Variants in MUC12 observed in about 807,000 individuals in gnomAD.
MUC12 encodes the protein mucin 12, cell surface associated.
MUC12 carries 172 observed loss-of-function variants against 230.8 expected under a neutral mutation model. The observed-to-expected ratio is 0.75, with a 90% CI of 0.66 to 0.85. The LOEUF is 0.85. Ranked by LOEUF, MUC12 falls within the 40% of genes least tolerant of loss-of-function variation. MUC12 has a pLI of 0.00. For synonymous variants in MUC12, 1,259 were observed against 2,401.9 expected, an observed-to-expected ratio of 0.52 and a Z score of 13.91; for missense variants, 3,506 against 5,920.6, an observed-to-expected ratio of 0.59 and a Z score of 13.38.
chr7:100,982,120 G>A lies in MUC12; in HGVS notation c.68-8511G>A, dbSNP rs113585175. On this transcript the variant is annotated intron_variant, in intron 1 of 11. Coordinates refer to ENST00000536621, the MANE Select transcript of MUC12 (RefSeq NM_001164462.2). ...GACCTCAGGTGATCTGCCTGCCTTG[G>A]TCTCCCAAAATGCTGGGATTACAGG... Among the ~76,000 whole-genome samples, 14 of 152,010 alleles carry A rather than the reference G, an allele frequency of 9.2e-5. 1 individual carries two copies. Among genetic ancestry groups the A allele is most frequent in the African/African-American group, 3.4e-4 (14 of 41,474 alleles).
intron 3 of MUC12, among the ~76,000 whole-genome samples, chr7:101,007,180 A>T (rs967555346): frequency 5.3e-5 from 8 of 152,166 alleles, no homozygotes; most frequent in African/African-American, 1.7e-4. Context: ...GCTGGTATGG[A>T]ACTACTGATC....
At position 101,009,172 on chromosome 7, in the gene MUC12, G is replaced by T. The variant is rs998877204; in HGVS notation, c.15251+13G>T. The stretch of plus-strand genomic sequence containing the variant: ...TTCGGAGATTGCTGTGAGTATATTG[G>T]GGGGCAGGTTTATAGATGTGGGGAA... On this transcript the variant is annotated intron_variant, in intron 5 of 11. Transcript: ENST00000536621. 17 of 1,536,854 alleles carry T rather than the reference G, an allele frequency of 1.1e-5. No individual in the cohort carries two copies. In the Admixed American group the frequency reaches 1.8e-4, roughly 16 times the overall value.
rs994460046 is a variant in MUC12, at chr7:101,012,574, G to A, written c.15403+127G>A. On this transcript the variant is annotated intron_variant, in intron 6 of 11. Coordinates refer to ENST00000536621, the MANE Select transcript of MUC12 (RefSeq NM_001164462.2). ...TTCTGCCACAGGAACCCAGAAGCCA[G>A]GCCCAGGGTGCCTTCCCCAGATCCC... is the stretch of plus-strand genomic sequence containing the variant. 1.6e-5 allele frequency: 19 copies of A among 1,172,338 alleles called. No individual in the cohort carries two copies. The African/African-American group carries it at 2.3e-4, about 14-fold the overall frequency. 72.6% of individuals were successfully genotyped at this position (1,172,338 alleles called of 1,614,324 possible).
chr7:101,010,942 A>G (rs1326771668), intron 5 of MUC12, among the ~76,000 whole-genome samples: 2 of 151,966 alleles, frequency 1.3e-5, no homozygotes, highest in East Asian at 3.9e-4. Context: ...AAGCCACCAC[A>G]CCCAGCCTCT....
intron 11 of MUC12, 129 bp from the exon 12 acceptor site, chr7:101,018,466 T>A: frequency 3.8e-5 from 3 of 79,246 alleles, no homozygotes; most frequent in East Asian, 6.3e-4. Flanking sequence ...TAGGACTCCC[T>A]CCCTCCCCCT....
chr7:101,017,747 C>G (rs547154041), intron 11 of MUC12, 84 bp downstream of exon 11: 1 of 956,844 alleles, frequency 1.0e-6, no homozygotes, highest in Non-Finnish European at 1.5e-6. Flanking sequence ...CTCCCTTCTC[C>G]CCCTGGGACT....
chr7:101,017,558 A>G lies in MUC12; in HGVS notation c.15878-17A>G. On this transcript the variant is annotated splice_polypyrimidine_tract_variant and intron_variant, in intron 10 of 11. Coordinates refer to ENST00000536621, the MANE Select transcript of MUC12 (RefSeq NM_001164462.2). ...CCTACCAAGGCTCCCATCACTCATC[A>G]CGGCCTCTCCCTACAGACCAGAATC... 6.6e-7 allele frequency: 1 copy of G among 1,517,526 alleles called. No homozygotes were observed. The allele number at this position is 1,517,526 out of a possible 1,614,324, so 94.0% of individuals were successfully genotyped here.
Position 100,991,848 on chromosome 7 carries a change from A to C in MUC12, c.1285A>C (p.Thr429Pro). The C allele has an allele frequency of 1.3e-6, 2 of 1,537,676 alleles. No individual in the cohort carries two copies. Among genetic ancestry groups the C allele is most frequent in the Non-Finnish European group, 1.7e-6 (2 of 1,146,838 alleles). Reference protein sequence around the residue: ...TETTHFRDSSTISGRSEESKA... With the variant: ...TETTHFRDSSPISGRSEESKA... ...AACAACACACTTCCGTGATAGCTCCACAATCTCAGGCCGTAGTGAGGAATC... is the reference window on the plus strand; with the variant it reads ...AACAACACACTTCCGTGATAGCTCCCCAATCTCAGGCCGTAGTGAGGAATC... The change falls in exon 2 of 12, where the codon ACA becomes CCA. Residue 429 changes from threonine (T) to proline (P), a missense_variant. Transcript: ENST00000536621.
At position 100,992,043 on chromosome 7, in the gene MUC12, A is replaced by C. The variant is rs1584831867; in HGVS notation, c.1480A>C (p.Thr494Pro). Residue 494 changes from threonine to proline, a missense_variant, in exon 2 of 12, where the codon ACC (threonine) becomes CCC (proline). Transcript: ENST00000536621. ...AAAACCAGGCCTCAGTGAGAAATCT[A>C]CCACTTTCTACAGTAGCCCCAGATC... ...TTKPGLSEKS[T>P]TFYSSPRSPD... 2 of 1,537,974 alleles carry C rather than the reference A, an allele frequency of 1.3e-6. No individual in the cohort carries two copies. Among genetic ancestry groups the C allele is most frequent in the Non-Finnish European group, 1.7e-6 (2 of 1,147,076 alleles).
chr7:101,009,251 C>T (rs1016499519), intron 5 of MUC12, 92 bp downstream of exon 5: 3 of 1,320,282 alleles, frequency 2.3e-6, no homozygotes, highest in Non-Finnish European at 3.2e-6. Context: ...GCTAGAATAT[C>T]AATACTGGTT....
rs995206434 is a variant in MUC12 at position 101,005,430 on chromosome 7, G to T, written c.14867G>T (p.Gly4956Val). Residue 4956 changes from glycine to valine, a missense_variant, in exon 2 of 12, where the codon GGC (glycine) becomes GTC (valine). Physicochemically the swap from Gly to Val is moderately radical, Grantham distance 109. Transcript: ENST00000536621. Reference sequence around the variant, plus strand: ...TTTCCTGCGAGTTCCAGCACATCAGGCCTCACTGAGGAATCTACCACCTTC... The same window carrying T: ...TTTCCTGCGAGTTCCAGCACATCAGTCCTCACTGAGGAATCTACCACCTTC... ...TLFPASSSTS[G>V]LTEESTTFHT... is the part of the protein sequence containing the mutation. The T allele has an allele frequency of 3.3e-6, 5 of 1,537,780 alleles. No homozygotes were observed. The highest frequency in any genetic ancestry group is 4.4e-6 in the Non-Finnish European group (5 of 1,147,054).
chr7:101,007,993 A>T (rs1793782028), intron 3 of MUC12, among the ~76,000 whole-genome samples: 1 of 146,428 alleles, frequency 6.8e-6, no homozygotes, highest in Admixed American at 6.9e-5. Flanking sequence ...TTTAGTAGAG[A>T]TGGGGTTTCA....
At chr7:101,016,299 G>T (rs1056400767) in intron 10 of MUC12, among the ~76,000 whole-genome samples, 1 of 151,950 alleles carries the variant, frequency 6.6e-6, no homozygotes, top group African/African-American at 2.4e-5. Context: ...GGGGTTGAGG[G>T]GCTTTGGCCG....
chr7:100,991,319 C>A lies in MUC12; in HGVS notation c.756C>A (p.Val252=). The A allele has an allele frequency of 2.0e-6, 3 of 1,537,838 alleles. No individual in the cohort carries two copies. Among genetic ancestry groups the A allele is most frequent in the Non-Finnish European group, 1.7e-6 (2 of 1,147,052 alleles). Residue 252 remains valine, a synonymous_variant, in exon 2 of 12, where the codon GTC becomes GTA. Coordinates refer to ENST00000536621, the MANE Select transcript of MUC12 (RefSeq NM_001164462.2). ...GCCTCCTTGAAGCATCTACGCCCGT[C>A]CACAGCAGCACTGGATCGCCACACA... The part of the protein sequence containing the change: ...TSGLLEASTP[V]HSSTGSPHTT...
chr7:100,991,036 G>A lies in MUC12; in HGVS notation c.473G>A (p.Ser158Asn), dbSNP rs190755853. 3.4e-5 allele frequency: 52 copies of A among 1,537,604 alleles called. No individual in the cohort carries two copies. The highest frequency in any genetic ancestry group is 9.6e-5 in the African/African-American group (7 of 73,050). ...ACACTCTCACCTGCCCGCACGACAAGCTCAGGCGTCAGTGAAAAATCAACC... is the reference window on the plus strand; with the variant it reads ...ACACTCTCACCTGCCCGCACGACAAACTCAGGCGTCAGTGAAAAATCAACC... The part of the protein sequence containing the change: ...DRTLSPARTT[S>N]SGVSEKSTTS... The change falls in exon 2 of 12, where the codon AGC becomes AAC. Residue 158 changes from serine (S) to asparagine (N), a missense_variant. Coordinates refer to ENST00000536621, the MANE Select transcript of MUC12 (RefSeq NM_001164462.2).
In MUC12 at chr7:100,995,934, T is replaced by G. The variant is rs1793476605; in HGVS notation, c.5371T>G (p.Ser1791Ala). 2 of 1,216,236 alleles carry G rather than the reference T, an allele frequency of 1.6e-6. No homozygotes were observed. The highest frequency in any genetic ancestry group is 2.2e-6 in the Non-Finnish European group (2 of 895,218). 75.3% of individuals were successfully genotyped at this position (1,216,236 alleles called of 1,614,324 possible). Residue 1791 changes from serine (S) to alanine (A), a missense_variant, in exon 2 of 12, where the codon TCA becomes GCA. Coordinates refer to ENST00000536621, the MANE Select transcript of MUC12 (RefSeq NM_001164462.2). The part of the protein sequence containing the change: ...TMHFPESSTA[S>A]GRSEESRTSH... Reference sequence around the variant, plus strand: ...GCACTTCCCTGAAAGCTCCACAGCTTCAGGTCGTAGTGAAGAATCAAGAAC... The same window carrying G: ...GCACTTCCCTGAAAGCTCCACAGCTGCAGGTCGTAGTGAAGAATCAAGAAC...
chr7:100,972,277 A>T, intron 1 of MUC12: 1 of 698,882 alleles, frequency 1.4e-6, no homozygotes, highest in Non-Finnish European at 2.6e-6. Context: ...GAACACGGCC[A>T]CCACTTGACA....
At position 100,991,817 on chromosome 7, in the gene MUC12, A is replaced by C. The variant is rs1438300327; in HGVS notation, c.1254A>C (p.Ser418=). 3.9e-6 allele frequency: 6 copies of C among 1,537,954 alleles called. No individual in the cohort carries two copies. Among genetic ancestry groups the C allele is most frequent in the African/African-American group, 2.7e-5 (2 of 73,162 alleles). ...AHTSYHSSLG[S]TETTHFRDSS... is the part of the protein sequence containing the mutation. ...CAAGCTACCACAGCAGCCTGGGCTC[A>C]ACTGAAACAACACACTTCCGTGATA... The change falls in exon 2 of 12, where the codon TCA becomes TCC. Residue 418 remains serine, a synonymous_variant. Transcript: ENST00000536621.
Position 100,995,493 on chromosome 7 carries a change from A to C in MUC12, c.4930A>C (p.Thr1644Pro), listed in dbSNP as rs746315401. 3.3e-6 allele frequency: 5 copies of C among 1,534,970 alleles called. No homozygotes were observed. In the African/African-American group the frequency reaches 7.0e-5, roughly 22 times the overall value. Residue 1644 changes from threonine to proline, a missense_variant, in exon 2 of 12, where the codon ACA (threonine) becomes CCA (proline). Thr to Pro is a conservative substitution (Grantham distance 38, BLOSUM62 -1). Transcript: ENST00000536621. ...TFHSSPGSTETTLLPDNTTAS... is the reference protein window; with the variant it reads ...TFHSSPGSTEPTLLPDNTTAS... ...CCACAGCAGCCCAGGCTCCACTGAA[A>C]CAACACTCTTACCTGACAACACCAC...
Sources: allele counts gnomAD v4.1 joint callset (sites outside exome capture counted in the v4.1 genomes callset), GRCh38; gene constraint gnomAD v4.1.1; transcripts MANE v1.5; gene names NCBI Gene and HGNC (gene_info 2026-07-23, HGNC 2026-07-21).